Variants in MGRN1 observed in about 807,000 individuals in gnomAD.
The protein encoded by MGRN1 is mahogunin ring finger 1.
In MGRN1, 29 loss-of-function variants were observed where a neutral mutation model predicts 69.2. That is an observed-to-expected ratio of 0.42 (90% CI 0.31 to 0.57). The LOEUF is 0.57. MGRN1 is among the 20% of genes least tolerant of loss of function. MGRN1 has a pLI of 0.15. For missense variants in MGRN1, 998 were observed against 796.2 expected (o/e 1.25, Z -3.05); for synonymous variants, 470 against 344.2 (o/e 1.37, Z -4.04).
rs1263107379 is a variant in MGRN1 at position 4,690,683 on chromosome 16, T to C, written c.*1775T>C. The C allele has an allele frequency of 1.3e-5, 2 of 152,160 alleles. No homozygotes were observed. The highest frequency in any genetic ancestry group is 4.8e-5 in the African/African-American group (2 of 41,412). The allele number at this position is 152,160 out of a possible 1,614,324, so 9.4% of individuals were successfully genotyped here. A position where few individuals can be genotyped will look rare whatever the true frequency, so the allele number is the denominator to read the frequency against. On this transcript the variant is annotated 3_prime_UTR_variant, in exon 17 of 17. Coordinates refer to ENST00000262370, the MANE Select transcript of MGRN1 (RefSeq NM_015246.4). ...ACTCCTGCACATGTTCCCATGCATG[T>C]GTGTGCACTCGGACCGAGCATCTCC...
At position 4,666,081 on chromosome 16, in the gene MGRN1, G is replaced by A. The variant is rs1346664765; in HGVS notation, c.678+930G>A. Reference sequence around the variant, plus strand: ...TCCTGCCTCTTGATCCACCTGCCTCGGCCTCCCAAAGTGCTTGGATTACAG... The same window carrying A: ...TCCTGCCTCTTGATCCACCTGCCTCAGCCTCCCAAAGTGCTTGGATTACAG... On this transcript the variant is annotated intron_variant, in intron 7 of 16. Coordinates refer to ENST00000262370, the MANE Select transcript of MGRN1 (RefSeq NM_015246.4). 8.6e-5 allele frequency among the ~76,000 whole-genome samples: 13 copies of A among 151,822 alleles called. No individual in the cohort carries two copies. The East Asian group carries it at 1.8e-3, about 20-fold the overall frequency.
chr16:4,687,014 C>T (rs745594765), intron 16 of MGRN1: 39 of 985,566 alleles, frequency 4.0e-5, no homozygotes, highest in Non-Finnish European at 4.6e-5. Context: ...CACCTGCTCC[C>T]CCGCTCCCTC....
At chr16:4,637,239 G>A (rs935501143) in intron 1 of MGRN1, among the ~76,000 whole-genome samples, 1 of 151,720 alleles carries the variant, frequency 6.6e-6, no homozygotes, top group South Asian at 2.1e-4. Flanking sequence ...AGACCAGCCC[G>A]GCCAACATGG....
At chr16:4,660,602 A>G (rs2078654598) in intron 5 of MGRN1, among the ~76,000 whole-genome samples, 1 of 152,052 alleles carries the variant, frequency 6.6e-6, no homozygotes, top group South Asian at 2.1e-4. Context: ...AGGGGTGGGC[A>G]GGGGCGCGGG....
intron 1 of MGRN1, among the ~76,000 whole-genome samples, chr16:4,625,911 A>G (rs1383032328): frequency 6.6e-6 from 1 of 152,190 alleles, no homozygotes; most frequent in African/African-American, 2.4e-5. Flanking sequence ...GGGTCCTCAG[A>G]TCCTGGCGTC....
intron 7 of MGRN1, among the ~76,000 whole-genome samples, chr16:4,665,667 CTT>C (rs35226786): frequency 9.4e-5 from 12 of 127,564 alleles, no homozygotes; most frequent in African/African-American, 1.3e-4. Flanking sequence ...CGTGCCCGGC[CTT>C]TTTTTTTTTT....
rs747296437 is a variant in MGRN1, at chr16:4,664,811, G to A, written c.628+36G>A. ...CCTCTTCCGTCCTCCTGGGCGTGCA[G>A]GCCGTGCAGGGAGGAAGCACGTCTT... On this transcript the variant is annotated intron_variant, in intron 6 of 16. Coordinates refer to ENST00000262370, the MANE Select transcript of MGRN1 (RefSeq NM_015246.4). 2.5e-6 allele frequency: 4 copies of A among 1,610,266 alleles called. No homozygotes were observed. The South Asian group carries it at 4.4e-5, about 18-fold the overall frequency.
At chr16:4,642,893 C>T (rs1465236769) in intron 1 of MGRN1, among the ~76,000 whole-genome samples, 1 of 151,326 alleles carries the variant, frequency 6.6e-6, no homozygotes, top group African/African-American at 2.4e-5. Flanking sequence ...CTCAAGTGAT[C>T]CTTCCACCTC....
intron 16 of MGRN1, 157 bp from the exon 17 acceptor site, chr16:4,688,639 G>C: frequency 7.1e-7 from 1 of 1,418,126 alleles, no homozygotes; most frequent in Non-Finnish European, 9.3e-7. Flanking sequence ...CCGGGCCCTT[G>C]GTGTGCTCAC....
chr16:4,681,709 G>A lies in MGRN1; in HGVS notation c.1291G>A (p.Ala431Thr), dbSNP rs746644216. The A allele has an allele frequency of 9.4e-5, 151 of 1,613,138 alleles. 1 individual carries two copies. In the Admixed American group the frequency reaches 2.1e-3, roughly 23 times the overall value. Reference sequence around the variant, plus strand: ...CCTGTCCCAGGCCAGCTGTCCCCTCGCGGCTATCGACCACATCCTGGACAG... The same window carrying A: ...CCTGTCCCAGGCCAGCTGTCCCCTCACGGCTATCGACCACATCCTGGACAG... The part of the protein sequence containing the change: ...DGLSQASCPL[A>T]AIDHILDSSR... The change falls in exon 13 of 17, where the codon GCG (alanine) becomes ACG (threonine). Residue 431 changes from alanine (A) to threonine (T), a missense_variant. Transcript: ENST00000262370.
Position 4,657,328 on chromosome 16 carries a change from T to C in MGRN1, c.526T>C (p.Phe176Leu), listed in dbSNP as rs1262522178. The C allele has an allele frequency of 8.7e-6, 14 of 1,614,124 alleles. No individual in the cohort carries two copies. The highest frequency in any genetic ancestry group is 1.1e-5 in the Non-Finnish European group (13 of 1,179,934). Residue 176 changes from phenylalanine (F) to leucine (L), a missense_variant, in exon 5 of 17, where the codon TTC becomes CTC. By Grantham distance (22) the Phe-to-Leu change is conservative. Transcript: ENST00000262370. ...GVSQQFSLPSFKIDFSEWKDD... is the reference protein window; with the variant it reads ...GVSQQFSLPSLKIDFSEWKDD... ...GAGCCAGCAGTTCTCCCTGCCCTCC[T>C]TCAAGATTGACTTCTCGGAATGGAA...
intron 1 of MGRN1, among the ~76,000 whole-genome samples, chr16:4,637,407 G>A (rs1855024117): frequency 6.6e-6 from 1 of 152,020 alleles, no homozygotes; most frequent in Non-Finnish European, 1.5e-5. Flanking sequence ...TCCAGCCTGA[G>A]CGACAGAGTG....
At chr16:4,660,758 C>T (rs180765438) in intron 5 of MGRN1, among the ~76,000 whole-genome samples, 7 of 144,744 alleles carry the variant, frequency 4.8e-5, no homozygotes, top group Admixed American at 2.1e-4. Flanking sequence ...AACCCTGGGA[C>T]GATGACTCCT....
intron 1 of MGRN1, among the ~76,000 whole-genome samples, chr16:4,631,640 A>T (rs1898005891): frequency 6.6e-6 from 1 of 152,226 alleles, no homozygotes; most frequent in African/African-American, 2.4e-5. Flanking sequence ...GTAGTTTGAT[A>T]GTAAGTTGTG....
chr16:4,675,461 G>A (rs193074308), intron 10 of MGRN1, among the ~76,000 whole-genome samples: 95 of 152,196 alleles, frequency 6.2e-4, no homozygotes, highest in African/African-American at 1.8e-3. Context: ...TTAGCATAAC[G>A]CTGGTTGCAG....
intron 1 of MGRN1, among the ~76,000 whole-genome samples, chr16:4,647,262 G>C (rs989456054): frequency 2.3e-4 from 35 of 152,308 alleles, no homozygotes; most frequent in African/African-American, 7.5e-4. Context: ...TCCATGACTG[G>C]GGCTTGAGGT....
chr16:4,671,046 C>T (rs2078926290), intron 8 of MGRN1, among the ~76,000 whole-genome samples: 1 of 152,196 alleles, frequency 6.6e-6, no homozygotes, highest in Non-Finnish European at 1.5e-5. Flanking sequence ...TGTCTGGTGC[C>T]TTCAGGCGTC....
At chr16:4,626,083 C>T (rs1357836522) in intron 1 of MGRN1, among the ~76,000 whole-genome samples, 1 of 152,154 alleles carries the variant, frequency 6.6e-6, no homozygotes, top group Admixed American at 6.5e-5. Flanking sequence ...CAACCCATTC[C>T]CCATGTGAGT....
intron 4 of MGRN1, among the ~76,000 whole-genome samples, chr16:4,653,086 C>G (rs1000930565): frequency 6.6e-6 from 1 of 152,198 alleles, no homozygotes; most frequent in African/African-American, 2.4e-5. Context: ...AGGGCCCAGT[C>G]CCACAAGACT....
Sources: allele counts gnomAD v4.1 joint callset (sites outside exome capture counted in the v4.1 genomes callset), GRCh38; gene constraint gnomAD v4.1.1; transcripts MANE v1.5; gene names NCBI Gene and HGNC (gene_info 2026-07-23, HGNC 2026-07-21).